The following HS6ST3 variants were observed in gnomAD, a reference collection of about 807,000 sequenced individuals.
HS6ST3 encodes the protein heparan sulfate 6-O-sulfotransferase 3.
In HS6ST3, 12 loss-of-function variants were observed where a neutral mutation model predicts 36.7. The observed-to-expected ratio is 0.33, with a 90% confidence interval of 0.21 to 0.53. The LOEUF (loss-of-function observed/expected upper bound fraction) is 0.53. Among genes scored for constraint, HS6ST3 ranks in the 20% least tolerant of loss-of-function variants. HS6ST3 has a pLI of 0.95. For synonymous variants in HS6ST3, 240 were observed against 257.5 expected (o/e 0.93, Z 0.65); for missense variants, 584 against 640.9 (o/e 0.91, Z 0.96).
At chr13:96,516,377 TG>T (rs1422961397) in intron 1 of HS6ST3, among the ~76,000 whole-genome samples, 4 of 152,166 alleles carry the variant, frequency 2.6e-5, no homozygotes, top group African/African-American at 7.2e-5. Context: ...ATACTTACTT[TG>T]TGGCTGACAA....
intron 1 of HS6ST3, among the ~76,000 whole-genome samples, chr13:96,780,450 A>G (rs1001615540): frequency 1.2e-4 from 19 of 152,248 alleles, no homozygotes; most frequent in African/African-American, 4.6e-4. Context: ...GGGAAGAAGT[A>G]ATTTCCCTAA....
intron 1 of HS6ST3, among the ~76,000 whole-genome samples, chr13:96,127,912 G>T (rs1211607627): frequency 6.6e-6 from 1 of 152,180 alleles, no homozygotes; most frequent in East Asian, 1.9e-4. Flanking sequence ...AGAGGTAACA[G>T]CTAGCATATT....
intron 1 of HS6ST3, among the ~76,000 whole-genome samples, chr13:96,564,306 T>C (rs2056273157): frequency 6.6e-6 from 1 of 152,222 alleles, no homozygotes; most frequent in African/African-American, 2.4e-5. Flanking sequence ...CTTGCAACTC[T>C]TTTGTCTTAT....
intron 1 of HS6ST3, among the ~76,000 whole-genome samples, chr13:96,286,819 A>G (rs901563320): frequency 1.2e-4 from 18 of 152,100 alleles, no homozygotes; most frequent in African/African-American, 4.3e-4. Flanking sequence ...CTGTTTTCAG[A>G]ATGGTACAGA....
chr13:96,420,612 C>A lies in HS6ST3; in HGVS notation c.707+329043C>A, dbSNP rs191213205. On this transcript the variant is annotated intron_variant, in intron 1 of 1. Transcript: ENST00000376705. The stretch of plus-strand genomic sequence containing the variant: ...TTGATGGTCATATATGTACTAGTAT[C>A]AAGTTTATAACTGCTTCATCATCAT... Among the ~76,000 whole-genome samples the A allele has an allele frequency of 1.8e-4, 27 of 152,250 alleles. 1 individual carries two copies. Among genetic ancestry groups the A allele is most frequent in the Admixed American group, 1.2e-3 (19 of 15,294 alleles).
intron 1 of HS6ST3, among the ~76,000 whole-genome samples, chr13:96,791,488 G>A (rs1328801363): frequency 6.6e-6 from 1 of 151,840 alleles, no homozygotes; most frequent in African/African-American, 2.4e-5. Context: ...AACACAGGGG[G>A]CCAGGCACCC....
At chr13:96,812,074 A>G (rs1878327152) in intron 1 of HS6ST3, among the ~76,000 whole-genome samples, 1 of 152,166 alleles carries the variant, frequency 6.6e-6, no homozygotes, top group Non-Finnish European at 1.5e-5. Flanking sequence ...TGACTCTGAC[A>G]TTCTGAGTAG....
intron 1 of HS6ST3, among the ~76,000 whole-genome samples, chr13:96,730,392 G>T (rs897851688): frequency 6.6e-6 from 1 of 151,918 alleles, no homozygotes; most frequent in African/African-American, 2.4e-5. Context: ...CTCATAGAGT[G>T]CCTTGCAAGT....
chr13:96,573,942 T>G, intron 1 of HS6ST3: 1 of 533,604 alleles, frequency 1.9e-6, no homozygotes, highest in Admixed American at 2.0e-5. Flanking sequence ...ACTGCACAGA[T>G]GTGCTGCTAC....
At chr13:96,134,491 C>A (rs879786426) in intron 1 of HS6ST3, among the ~76,000 whole-genome samples, 1 of 151,642 alleles carries the variant, frequency 6.6e-6, no homozygotes, top group South Asian at 2.1e-4. Flanking sequence ...TTAACAGTGT[C>A]ATAATTTTTT....
intron 1 of HS6ST3, among the ~76,000 whole-genome samples, chr13:96,558,372 T>A (rs527766515): frequency 2.7e-4 from 41 of 152,358 alleles, no homozygotes; most frequent in African/African-American, 9.6e-4. Flanking sequence ...AAGTATATAC[T>A]ATTATTTTGA....
intron 1 of HS6ST3, among the ~76,000 whole-genome samples, chr13:96,407,905 A>G (rs1435039069): frequency 6.6e-6 from 1 of 152,200 alleles, no homozygotes; most frequent in Non-Finnish European, 1.5e-5. Flanking sequence ...TTACAACTCC[A>G]AACTCCCATA....
intron 1 of HS6ST3, among the ~76,000 whole-genome samples, chr13:96,831,809 G>T (rs138248665): frequency 6.6e-6 from 1 of 151,864 alleles, no homozygotes; most frequent in Non-Finnish European, 1.5e-5. Context: ...ACAAAAATGA[G>T]CTGGGTATGG....
chr13:96,816,508 G>C (rs370002495), intron 1 of HS6ST3, among the ~76,000 whole-genome samples: 65 of 152,318 alleles, frequency 4.3e-4, no homozygotes, highest in African/African-American at 1.5e-3. Flanking sequence ...CTGAGCCAGG[G>C]ATTTGTTTAA....
chr13:96,668,975 G>A (rs1339001698), intron 1 of HS6ST3, among the ~76,000 whole-genome samples: 32 of 151,812 alleles, frequency 2.1e-4, no homozygotes, highest in Admixed American at 2.0e-3. Flanking sequence ...CTTTAAATTA[G>A]GTTTTATTGT....
chr13:96,265,839 A>G (rs916164285), intron 1 of HS6ST3, among the ~76,000 whole-genome samples: 1 of 152,176 alleles, frequency 6.6e-6, no homozygotes, highest in African/African-American at 2.4e-5. Context: ...GTTACTCAAG[A>G]TATAATGTAA....
chr13:96,666,558 A>G (rs1299302172), intron 1 of HS6ST3, among the ~76,000 whole-genome samples: 2 of 152,122 alleles, frequency 1.3e-5, no homozygotes, highest in Admixed American at 6.6e-5. Flanking sequence ...CAATGGCTGA[A>G]GATATTTTAA....
chr13:96,233,682 C>A (rs185682083), intron 1 of HS6ST3, among the ~76,000 whole-genome samples: 97 of 152,108 alleles, frequency 6.4e-4, no homozygotes, highest in Middle Eastern at 3.4e-3. Flanking sequence ...GAGATGATAG[C>A]CATTTGTGTT....
chr13:96,807,530 C>A (rs1287361568), intron 1 of HS6ST3, among the ~76,000 whole-genome samples: 1 of 152,030 alleles, frequency 6.6e-6, no homozygotes, highest in Non-Finnish European at 1.5e-5. Context: ...AACTACAAGC[C>A]AAGAAACACC....
Sources: allele counts gnomAD v4.1 joint callset (sites outside exome capture counted in the v4.1 genomes callset), GRCh38; gene constraint gnomAD v4.1.1; transcripts MANE v1.5; gene names NCBI Gene and HGNC (gene_info 2026-07-23, HGNC 2026-07-21).